Variants in MACROD2 observed in about 807,000 individuals in gnomAD.
The protein encoded by MACROD2 is mono-ADP ribosylhydrolase 2.
Under a neutral mutation model 70.4 loss-of-function variants are expected in MACROD2, and 36 were observed. The ratio of observed to expected loss-of-function variants is 0.51; its 90% CI spans 0.39 to 0.68. MACROD2 has a LOEUF of 0.68. Among genes scored for constraint, MACROD2 ranks in the 30% least tolerant of loss-of-function variants. The pLI is 0.00. For synonymous variants in MACROD2, 172 were observed against 178.8 expected, an observed-to-expected ratio of 0.96 and a Z score of 0.30; for missense variants, 496 against 538.4, an observed-to-expected ratio of 0.92 and a Z score of 0.78.
intron 6 of MACROD2, among the ~76,000 whole-genome samples, chr20:15,257,031 G>A (rs530823171): frequency 2.0e-5 from 3 of 152,018 alleles, no homozygotes; most frequent in Admixed American, 6.6e-5. Context: ...GGTAGACTCC[G>A]TGGAAACCAT....
intron 5 of MACROD2, among the ~76,000 whole-genome samples, chr20:15,058,125 A>G (rs1190574550): frequency 6.6e-6 from 1 of 152,110 alleles, no homozygotes; most frequent in Admixed American, 6.5e-5. Context: ...GGAAGGGCAT[A>G]GTCTTTCTAC....
At chr20:16,025,034 A>T (rs1009243402) in intron 15 of MACROD2, among the ~76,000 whole-genome samples, 2 of 152,196 alleles carry the variant, frequency 1.3e-5, no homozygotes, top group Non-Finnish European at 2.9e-5. Context: ...GTGAATTGTT[A>T]TCTTGCCGAA....
intron 8 of MACROD2, among the ~76,000 whole-genome samples, chr20:15,584,975 A>C (rs2048577424): frequency 6.6e-6 from 1 of 152,204 alleles, no homozygotes; most frequent in Non-Finnish European, 1.5e-5. Flanking sequence ...GGTTGGCACC[A>C]GTCTTTCCAG....
chr20:15,675,224 A>G (rs532444125), intron 8 of MACROD2, among the ~76,000 whole-genome samples: 4 of 152,356 alleles, frequency 2.6e-5, no homozygotes, highest in African/African-American at 4.8e-5. Context: ...TCTGAAAACT[A>G]TGGCACACAG....
chr20:15,451,175 C>T (rs1056756852), intron 7 of MACROD2, among the ~76,000 whole-genome samples: 10 of 151,654 alleles, frequency 6.6e-5, no homozygotes, highest in Non-Finnish European at 1.0e-4. Context: ...TCCATTTGCC[C>T]GTGATTAGCA....
At chr20:14,887,949 T>C (rs1280237324) in intron 5 of MACROD2, 2 of 151,224 alleles carry the variant, frequency 1.3e-5, no homozygotes, top group African/African-American at 4.9e-5. Flanking sequence ...TTGCCAAAAA[T>C]TGCACATAGG....
At chr20:15,163,824 A>G (rs975913275) in intron 5 of MACROD2, among the ~76,000 whole-genome samples, 3 of 152,102 alleles carry the variant, frequency 2.0e-5, no homozygotes, top group African/African-American at 4.8e-5. Context: ...GACTCATGTT[A>G]TAGGCCATAG....
At chr20:15,586,193 A>T (rs957836728) in intron 8 of MACROD2, among the ~76,000 whole-genome samples, 1 of 152,220 alleles carries the variant, frequency 6.6e-6, no homozygotes, top group African/African-American at 2.4e-5. Flanking sequence ...GTTGAGATCC[A>T]CTAGAGGACC....
At chr20:14,214,781 A>G (rs1013196467) in intron 3 of MACROD2, among the ~76,000 whole-genome samples, 1 of 151,852 alleles carries the variant, frequency 6.6e-6, no homozygotes, top group African/African-American at 2.4e-5. Context: ...AAGTACCCAG[A>G]GTCCATTGCA....
chr20:15,676,839 A>G (rs756722087), intron 8 of MACROD2, among the ~76,000 whole-genome samples: 1 of 152,190 alleles, frequency 6.6e-6, no homozygotes, highest in Non-Finnish European at 1.5e-5. Flanking sequence ...TCTATCTGCT[A>G]TTCTATTGAA....
intron 8 of MACROD2, among the ~76,000 whole-genome samples, chr20:15,579,139 T>C (rs951876839): frequency 1.3e-5 from 2 of 152,166 alleles, no homozygotes; most frequent in African/African-American, 4.8e-5. Flanking sequence ...TGGTTTTCTC[T>C]CGGGAGAAAA....
chr20:15,818,843 G>T (rs563141896), intron 8 of MACROD2, among the ~76,000 whole-genome samples: 1 of 152,208 alleles, frequency 6.6e-6, no homozygotes, highest in African/African-American at 2.4e-5. Context: ...TTGTTAACTT[G>T]TTTGTTTCTC....
intron 3 of MACROD2, among the ~76,000 whole-genome samples, chr20:14,185,615 T>C (rs2081338278): frequency 6.6e-6 from 1 of 152,098 alleles, no homozygotes; most frequent in African/African-American, 2.4e-5. Context: ...AGTAAAAATA[T>C]AAAATATAAA....
At chr20:14,606,651 G>A (rs551507262) in intron 4 of MACROD2, among the ~76,000 whole-genome samples, 139 of 152,178 alleles carry the variant, frequency 9.1e-4, no homozygotes, top group Non-Finnish European at 1.4e-3. Context: ...TTTTCAATAC[G>A]TTTTTCTGTA....
At chr20:14,552,830 C>A (rs181564290) in intron 4 of MACROD2, among the ~76,000 whole-genome samples, 136 of 152,200 alleles carry the variant, frequency 8.9e-4, no homozygotes, top group African/African-American at 3.1e-3. Context: ...GTGTATAGGG[C>A]ACTTACCATG....
intron 8 of MACROD2, among the ~76,000 whole-genome samples, chr20:15,663,808 T>C (rs986502661): frequency 6.6e-6 from 1 of 152,220 alleles, no homozygotes; most frequent in African/African-American, 2.4e-5. Context: ...TGAATGCTAA[T>C]ACCAATGGGC....
intron 8 of MACROD2, among the ~76,000 whole-genome samples, chr20:15,601,174 A>T (rs1413118737): frequency 6.6e-6 from 1 of 152,230 alleles, no homozygotes; most frequent in Non-Finnish European, 1.5e-5. Context: ...TGACTCCCTC[A>T]GCCTCACTGG....
In MACROD2 at chr20:15,772,481, C is replaced by G. The variant is rs537713842; in HGVS notation, c.646-90264C>G. Among the ~76,000 whole-genome samples the G allele has an allele frequency of 5.3e-5, 8 of 152,154 alleles. No homozygotes were observed. The South Asian group carries it at 1.7e-3, about 32-fold the overall frequency. On this transcript the variant is annotated intron_variant, in intron 8 of 17. Coordinates refer to ENST00000684519, the MANE Select transcript of MACROD2 (RefSeq NM_001351661.2). ...CAAGGAAGCTAAGTAATCACAGATT[C>G]ACAGAACACCAAAAGCTGTTCTGGC... is the stretch of plus-strand genomic sequence containing the variant.
At chr20:15,965,668 T>A (rs558855876) in intron 12 of MACROD2, among the ~76,000 whole-genome samples, 69 of 152,312 alleles carry the variant, frequency 4.5e-4, no homozygotes, top group African/African-American at 1.6e-3. Context: ...TATACCTTTT[T>A]AAATCATTGT....
Sources: gnomAD v4.1 joint callset for allele counts (sites outside exome capture counted in the v4.1 genomes callset) on GRCh38, gnomAD v4.1.1 for gene constraint, MANE v1.5 for transcripts, NCBI Gene and HGNC (gene_info 2026-07-23, HGNC 2026-07-21) for gene names.